The following OSBPL9 variants were observed in gnomAD, a reference collection of about 807,000 sequenced individuals.
OSBPL9 encodes the protein oxysterol-binding protein-related protein 9.
In OSBPL9, 40 loss-of-function variants were observed where a neutral mutation model predicts 106.6. The ratio of observed to expected loss-of-function variants is 0.38; its 90% CI spans 0.29 to 0.49. OSBPL9 has a LOEUF of 0.49. Among genes scored for constraint, OSBPL9 ranks in the 20% least tolerant of loss-of-function variants. The pLI, the probability that OSBPL9 is intolerant of heterozygous loss-of-function variation, is 0.97. For missense variants in OSBPL9, 609 were observed against 887.2 expected (o/e 0.69, Z 3.98); for synonymous variants, 269 against 295.4 (o/e 0.91, Z 0.92).
intron 4 of OSBPL9, among the ~76,000 whole-genome samples, chr1:51,725,922 G>A (rs1188004547): frequency 1.3e-5 from 2 of 152,176 alleles, no homozygotes; most frequent in South Asian, 2.1e-4. Context: ...CCTACCACCC[G>A]TGCAGTTGAA....
chr1:51,735,065 T>C (rs1382875766), intron 4 of OSBPL9, among the ~76,000 whole-genome samples: 1 of 152,236 alleles, frequency 6.6e-6, no homozygotes, highest in African/African-American at 2.4e-5. Context: ...AGGCTGACTT[T>C]TACAGCTTTC....
At chr1:51,683,439 C>CA (rs1653053011) in intron 3 of OSBPL9, among the ~76,000 whole-genome samples, 2 of 152,020 alleles carry the variant, frequency 1.3e-5, no homozygotes, top group South Asian at 4.2e-4. Context: ...CTCAGCCTCC[C>CA]AAAGTGCTGG....
At chr1:51,786,833 G>GA (rs1677759646) in intron 22 of OSBPL9, among the ~76,000 whole-genome samples, 1 of 152,156 alleles carries the variant, frequency 6.6e-6, no homozygotes, top group South Asian at 2.1e-4. Context: ...CCTGAAATGA[G>GA]AATAAAGGCC....
At chr1:51,746,901 C>G in intron 6 of OSBPL9, 144 bp downstream of exon 6, 1 of 602,766 alleles carries the variant, frequency 1.7e-6, no homozygotes, top group East Asian at 3.0e-5. Flanking sequence ...CTCAAGGGTA[C>G]TTTTCTGATA....
intron 4 of OSBPL9, among the ~76,000 whole-genome samples, chr1:51,736,800 C>T (rs867331132): frequency 6.6e-5 from 10 of 152,106 alleles, no homozygotes; most frequent in South Asian, 2.1e-4. Flanking sequence ...TCATCCTGTA[C>T]TAGTAAACCT....
At chr1:51,696,480 A>G (rs952727552) in intron 3 of OSBPL9, among the ~76,000 whole-genome samples, 1 of 152,234 alleles carries the variant, frequency 6.6e-6, no homozygotes, top group Non-Finnish European at 1.5e-5. Flanking sequence ...TCCAGCTTAA[A>G]TCACTGCATT....
At chr1:51,626,658 G>A (rs576153710) in intron 1 of OSBPL9, among the ~76,000 whole-genome samples, 102 of 151,788 alleles carry the variant, frequency 6.7e-4, no homozygotes, top group South Asian at 2.5e-3. Flanking sequence ...TTGCAGGCAT[G>A]TGCCACCACA....
intron 2 of OSBPL9, among the ~76,000 whole-genome samples, chr1:51,606,786 C>T (rs866195646): frequency 2.0e-5 from 3 of 152,132 alleles, no homozygotes; most frequent in East Asian, 1.9e-4. Flanking sequence ...CGGTGGCTCA[C>T]GCCTGTAATC....
At chr1:51,699,030 A>G (rs544024104) in intron 3 of OSBPL9, among the ~76,000 whole-genome samples, 1 of 152,144 alleles carries the variant, frequency 6.6e-6, no homozygotes, top group Non-Finnish European at 1.5e-5. Flanking sequence ...TCAGAATAAT[A>G]TTGACTCTTG....
intron 4 of OSBPL9, among the ~76,000 whole-genome samples, chr1:51,728,074 TAAAGG>T (rs1663455394): frequency 6.6e-6 from 1 of 152,122 alleles, no homozygotes; most frequent in African/African-American, 2.4e-5. Context: ...CTTGGCAAAT[TAAAGG>T]AGTTTGAAAA....
chr1:51,787,278 G>C, intron 22 of OSBPL9, 75 bp from the exon 23 acceptor site: 1 of 1,443,930 alleles, frequency 6.9e-7, no homozygotes, highest in South Asian at 1.2e-5. Flanking sequence ...CATTTGACTT[G>C]TATTATACTA....
chr1:51,640,406 T>C (rs1030201218), intron 1 of OSBPL9, among the ~76,000 whole-genome samples: 7 of 152,218 alleles, frequency 4.6e-5, no homozygotes, highest in African/African-American at 1.7e-4. Context: ...TGCAGTCCTG[T>C]TGGAGATACA....
chr1:51,604,708 C>T, intron 2 of OSBPL9, among the ~76,000 whole-genome samples: 1 of 152,018 alleles, frequency 6.6e-6, no homozygotes. Context: ...GGCAGGAGTA[C>T]AATGGTGCGA....
chr1:51,714,714 G>A (rs931370212), intron 4 of OSBPL9, among the ~76,000 whole-genome samples: 2 of 152,128 alleles, frequency 1.3e-5, no homozygotes, highest in African/African-American at 2.4e-5. Flanking sequence ...TTTTGGAACC[G>A]AGTCCATAGG....
intron 1 of OSBPL9, among the ~76,000 whole-genome samples, chr1:51,619,356 T>C (rs1396028904): frequency 6.6e-6 from 1 of 152,248 alleles, no homozygotes; most frequent in Non-Finnish European, 1.5e-5. Flanking sequence ...CTTTTTCTTC[T>C]TTTCATGTAT....
intron 3 of OSBPL9, among the ~76,000 whole-genome samples, chr1:51,695,552 A>C (rs1385139687): frequency 1.3e-5 from 2 of 152,138 alleles, no homozygotes; most frequent in Admixed American, 1.3e-4. Flanking sequence ...TGTTTGCTAT[A>C]ATATCTCCAA....
intron 10 of OSBPL9, 121 bp downstream of exon 10, chr1:51,760,901 CAA>C (rs1283043206): frequency 9.4e-7 from 1 of 1,062,504 alleles, no homozygotes; most frequent in African/African-American, 1.6e-5. Context: ...TAAAAGCACT[CAA>C]AAAATAATAC....
chr1:51,569,256 A>G, the OSBPL9 span, among the ~76,000 whole-genome samples: 1 of 152,202 alleles, frequency 6.6e-6, no homozygotes, highest in African/African-American at 2.4e-5. Context: ...GAGAGGGTCT[A>G]CGTAGCTGAT....
chr1:51,587,976 C>T (rs188501030), intron 1 of OSBPL9, among the ~76,000 whole-genome samples: 14 of 152,334 alleles, frequency 9.2e-5, no homozygotes, highest in Admixed American at 4.6e-4. Context: ...ATTAGCTGTA[C>T]AACCTTGGGA....
Sources: gnomAD v4.1 joint callset for allele counts (sites outside exome capture counted in the v4.1 genomes callset) on GRCh38, gnomAD v4.1.1 for gene constraint, MANE v1.5 for transcripts, NCBI Gene and HGNC (gene_info 2026-07-23, HGNC 2026-07-21) for gene names.